PRDM2: variants seen among roughly 807,000 people sequenced by gnomAD.
The protein encoded by PRDM2 is PR domain zinc finger protein 2.
In PRDM2, 30 loss-of-function variants were observed where a neutral mutation model predicts 130.0. The ratio of observed to expected loss-of-function variants is 0.23; its 90% CI spans 0.17 to 0.31. The LOEUF (loss-of-function observed/expected upper bound fraction) is 0.31, where lower values mean the gene tolerates loss of function less well. Ranked by LOEUF, PRDM2 falls within the 10% of genes least tolerant of loss-of-function variation. PRDM2 has a pLI of 1.00. For synonymous variants in PRDM2, 871 were observed against 782.4 expected, an observed-to-expected ratio of 1.11 and a Z score of -1.89; for missense variants, 2,011 against 2,108.4, an observed-to-expected ratio of 0.95 and a Z score of 0.90.
At chr1:13,794,873 C>T (rs1379560306) in intron 8 of PRDM2, among the ~76,000 whole-genome samples, 2 of 152,214 alleles carry the variant, frequency 1.3e-5, no homozygotes, top group African/African-American at 2.4e-5. Flanking sequence ...TCTCAAGTGG[C>T]CTGTAACTCC....
At chr1:13,767,286 A>G (rs939594230) in intron 6 of PRDM2, among the ~76,000 whole-genome samples, 3 of 151,284 alleles carry the variant, frequency 2.0e-5, no homozygotes, top group Admixed American at 1.3e-4. Flanking sequence ...TTTTTAAACT[A>G]TAAATGCAGT....
Position 13,778,945 on chromosome 1 carries a change from T to C in PRDM2, c.1150T>C (p.Ser384Pro). ...TGAGCGTCACATGCATATCCATATA[T>C]CCACCGTCAATCATGCTTTCAAATG... ...GLERHMHIHI[S>P]TVNHAFKCKY... The change falls in exon 8 of 10, where the codon TCC becomes CCC. Residue 384 changes from serine (S) to proline (P), a missense_variant. Physicochemically the swap from Ser to Pro is moderately conservative, Grantham distance 74. This residue lies in a region of PRDM2 where 1,288 missense variants were observed against 1,237.7 expected (regional missense o/e 1.04). Transcript: ENST00000311066. 2.5e-6 allele frequency: 4 copies of C among 1,614,176 alleles called. No homozygotes were observed. Among genetic ancestry groups the C allele is most frequent in the Non-Finnish European group, 3.4e-6 (4 of 1,180,032 alleles).
chr1:13,806,987 G>A lies in PRDM2; in HGVS notation c.5037-9440G>A, dbSNP rs370055207. Among the ~76,000 whole-genome samples, 12 of 152,080 alleles carry A rather than the reference G, an allele frequency of 7.9e-5. No homozygotes were observed. The highest frequency in any genetic ancestry group is 2.9e-4 in the African/African-American group (12 of 41,384). ...TAGCCCACACACTGCCGTTTCCCAT[G>A]TCACCTTTCCCTGTCTTCTCCTCCA... On this transcript the variant is annotated intron_variant, in intron 8 of 9. Transcript: ENST00000311066. This position sits in a 1 kb window ranked among gnomAD's most constrained non-coding sequence, Gnocchi z 4.1.
intron 1 of PRDM2, among the ~76,000 whole-genome samples, chr1:13,710,153 G>T (rs1642325332): frequency 6.6e-6 from 1 of 152,182 alleles, no homozygotes; most frequent in South Asian, 2.1e-4. Context: ...AGTGTTACAT[G>T]CATTACATTA....
At chr1:13,773,826 G>T (rs1644410691) in intron 7 of PRDM2, among the ~76,000 whole-genome samples, 1 of 152,184 alleles carries the variant, frequency 6.6e-6, no homozygotes, top group Non-Finnish European at 1.5e-5. Context: ...GGCACCTGGG[G>T]TGCTCGCTGT....
chr1:13,799,916 A>G (rs1205647669), intron 8 of PRDM2, among the ~76,000 whole-genome samples: 1 of 152,274 alleles, frequency 6.6e-6, no homozygotes, highest in African/African-American at 2.4e-5. Context: ...GGACCAGGGC[A>G]GAGATGGTAA....
intron 2 of PRDM2, among the ~76,000 whole-genome samples, chr1:13,728,596 T>G (rs940219750): frequency 3.3e-5 from 5 of 152,058 alleles, no homozygotes; most frequent in Non-Finnish European, 5.9e-5. Flanking sequence ...CTTTTTGTAA[T>G]GTGAAGGATA....
chr1:13,735,558 C>T (rs991872299), intron 4 of PRDM2, among the ~76,000 whole-genome samples: 1 of 151,732 alleles, frequency 6.6e-6, no homozygotes, highest in Non-Finnish European at 1.5e-5. Flanking sequence ...TTCAAATACA[C>T]TTAGTTGTTT....
At chr1:13,796,797 C>T (rs1445098196) in intron 8 of PRDM2, among the ~76,000 whole-genome samples, 6 of 152,274 alleles carry the variant, frequency 3.9e-5, no homozygotes, top group South Asian at 4.2e-4. Flanking sequence ...GCTCTTGGTT[C>T]TGTGCTGGTA....
At chr1:13,721,237 A>G (rs781232646) in intron 2 of PRDM2, among the ~76,000 whole-genome samples, 6 of 152,196 alleles carry the variant, frequency 3.9e-5, no homozygotes, top group Admixed American at 2.6e-4. Flanking sequence ...CCATCTGACC[A>G]TGTAGATATG....
chr1:13,728,181 A>G (rs1468181722), intron 2 of PRDM2, among the ~76,000 whole-genome samples: 48 of 152,178 alleles, frequency 3.2e-4, no homozygotes, highest in Non-Finnish European at 7.3e-5. Context: ...AGAGCCATGT[A>G]CTCATTCAAG....
At chr1:13,704,455 G>A (rs1263600553) in intron 1 of PRDM2, among the ~76,000 whole-genome samples, 1 of 152,170 alleles carries the variant, frequency 6.6e-6, no homozygotes, top group Non-Finnish European at 1.5e-5. Flanking sequence ...ATGCAATAAA[G>A]GAGATTTTAC....
intron 1 of PRDM2, among the ~76,000 whole-genome samples, chr1:13,700,605 C>T (rs1642042054): frequency 6.6e-6 from 1 of 151,538 alleles, no homozygotes. Context: ...GCGCGCCCCG[C>T]GGGGGACGCG....
Position 13,806,975 on chromosome 1 carries a change from G to T in PRDM2, c.5037-9452G>T, listed in dbSNP as rs749756984. On this transcript the variant is annotated intron_variant, in intron 8 of 9. Transcript: ENST00000311066. The surrounding 1 kb of genome is among the most constrained non-coding windows in gnomAD (Gnocchi z 4.1). ...CACCCCAGGTCGTAGCCCACACACT[G>T]CCGTTTCCCATGTCACCTTTCCCTG... 3.3e-5 allele frequency among the ~76,000 whole-genome samples: 5 copies of T among 152,236 alleles called. No individual in the cohort carries two copies. The highest frequency in any genetic ancestry group is 4.8e-5 in the African/African-American group (2 of 41,524).
At position 13,782,505 on chromosome 1, in the gene PRDM2, C is replaced by T. The variant is rs1570021312; in HGVS notation, c.4710C>T (p.Ser1570=). Residue 1570 remains serine (S), a synonymous_variant, in exon 8 of 10, where the codon TCC becomes TCT. Coordinates refer to ENST00000311066, the MANE Select transcript of PRDM2 (RefSeq NM_001393986.1). ...AASVKSKKPS[S]SSLRNSSPIR... ...CGGTGAAATCCAAAAAACCAAGCTC[C>T]TCCTCTTTAAGGAACTCCAGCCCGA... 6.2e-7 allele frequency: 1 copy of T among 1,614,148 alleles called. No homozygotes were observed. The highest frequency in any genetic ancestry group is 2.2e-5 in the East Asian group (1 of 44,882).
At chr1:13,766,556 C>T (rs961381484) in intron 6 of PRDM2, among the ~76,000 whole-genome samples, 3 of 152,170 alleles carry the variant, frequency 2.0e-5, no homozygotes, top group Admixed American at 6.5e-5. Context: ...AGGCAGCAGG[C>T]ACAACCCACC....
At chr1:13,813,987 G>T (rs1474404464) in intron 8 of PRDM2, among the ~76,000 whole-genome samples, 1 of 152,250 alleles carries the variant, frequency 6.6e-6, no homozygotes, top group Non-Finnish European at 1.5e-5. Flanking sequence ...TACTGATGAT[G>T]CAGGGCTTGT....
intron 8 of PRDM2, among the ~76,000 whole-genome samples, chr1:13,784,505 G>A (rs1644693923): frequency 6.6e-6 from 1 of 152,190 alleles, no homozygotes; most frequent in Non-Finnish European, 1.5e-5. Context: ...ACAGTTCAAG[G>A]TTAAAGTTGA....
rs59629515 is a variant in PRDM2, at chr1:13,757,385, A to G, written c.511+7898A>G. Reference sequence around the variant, plus strand: ...GCATTAGTTTTGAAACCAAAAGAGCACAGTAAGACATTGCTTTTGCCTAAC... The same window carrying G: ...GCATTAGTTTTGAAACCAAAAGAGCGCAGTAAGACATTGCTTTTGCCTAAC... On this transcript the variant is annotated intron_variant, in intron 6 of 9. Transcript: ENST00000311066. Among the ~76,000 whole-genome samples, 322 of 152,364 alleles carry G rather than the reference A, an allele frequency of 2.1e-3. 1 individual carries two copies. The highest frequency in any genetic ancestry group is 7.2e-3 in the African/African-American group (299 of 41,582).
Sources: allele counts gnomAD v4.1 joint callset (sites outside exome capture counted in the v4.1 genomes callset), GRCh38; gene constraint gnomAD v4.1.1; regional missense constraint gnomAD v4.1.1; non-coding constraint Gnocchi (gnomAD v3.1); transcripts MANE v1.5; gene names NCBI Gene and HGNC (gene_info 2026-07-23, HGNC 2026-07-21).